LEPR: variants seen among roughly 807,000 people sequenced by gnomAD.
The protein encoded by LEPR is leptin receptor, also known as OB receptor.
Under a neutral mutation model 114.7 loss-of-function variants are expected in LEPR, and 56 were observed. That is an observed-to-expected ratio of 0.49 (90% CI 0.39 to 0.61). The LOEUF is 0.61. Ranked by LOEUF, LEPR falls within the 20% of genes least tolerant of loss-of-function variation. The probability of loss-of-function intolerance (pLI) is 0.00; values close to 1 mark genes in which losing one functional copy is unlikely to be tolerated. For synonymous variants in LEPR, 443 were observed against 461.4 expected (o/e 0.96, Z 0.51); for missense variants, 1,202 against 1,352.9 (o/e 0.89, Z 1.75).
rs1214513437 is a variant in LEPR, at chr1:65,638,120, G to A, written c.*1105G>A. The A allele has an allele frequency of 2.0e-5, 3 of 152,144 alleles. No individual in the cohort carries two copies. Among genetic ancestry groups the A allele is most frequent in the Non-Finnish European group, 2.9e-5 (2 of 68,038 alleles). 9.4% of individuals were successfully genotyped at this position (152,144 alleles called of 1,614,324 possible). ...TCCCAGCACTTTGGGAGGCTGAGGC[G>A]GGTGGATCGCTTGAGCTCAGAAGTC... On this transcript the variant is annotated 3_prime_UTR_variant, in exon 20 of 20. Transcript: ENST00000349533.
intron 2 of LEPR, among the ~76,000 whole-genome samples, chr1:65,564,723 T>C (rs1653599784): frequency 6.6e-6 from 1 of 152,260 alleles, no homozygotes; most frequent in East Asian, 1.9e-4. Flanking sequence ...GAACCTGAGG[T>C]CTAGAGTGTT....
intron 2 of LEPR, among the ~76,000 whole-genome samples, chr1:65,507,722 A>T (rs1648829733): frequency 6.6e-6 from 1 of 152,024 alleles, no homozygotes; most frequent in South Asian, 2.1e-4. Flanking sequence ...TTTCTAGATC[A>T]TAAGGTAAAT....
At chr1:65,608,564 G>A (rs536067261) in intron 11 of LEPR, among the ~76,000 whole-genome samples, 189 bp from the exon 12 acceptor site, 3 of 152,108 alleles carry the variant, frequency 2.0e-5, no homozygotes, top group South Asian at 2.1e-4. Context: ...CTATATTTGC[G>A]AAAAAGAGAT....
rs769797458 is a variant in LEPR, at chr1:65,429,943, C to G, written c.-21+4565C>G. ...TCATTGCCAAAAGAGTCACCTATGACTCAGATGCAACCAGTAGTGCCTGTC... is the reference window on the plus strand; with the variant it reads ...TCATTGCCAAAAGAGTCACCTATGAGTCAGATGCAACCAGTAGTGCCTGTC... On this transcript the variant is annotated intron_variant, in intron 2 of 19. Coordinates refer to ENST00000349533, the MANE Select transcript of LEPR (RefSeq NM_002303.6). The G allele has an allele frequency of 1.9e-6, 3 of 1,572,824 alleles. No individual in the cohort carries two copies. The African/African-American group carries it at 4.0e-5, about 21-fold the overall frequency.
intron 5 of LEPR, among the ~76,000 whole-genome samples, chr1:65,589,721 A>G (rs1472891926): frequency 1.3e-5 from 2 of 152,070 alleles, no homozygotes; most frequent in East Asian, 1.9e-4. Context: ...GTAGAAAATC[A>G]GTTGTCCATG....
intron 2 of LEPR, among the ~76,000 whole-genome samples, chr1:65,496,513 G>T (rs1348642142): frequency 6.6e-6 from 1 of 152,128 alleles, no homozygotes; most frequent in Non-Finnish European, 1.5e-5. Flanking sequence ...GGAGGTTGAG[G>T]CTGTAGTGAT....
intron 2 of LEPR, among the ~76,000 whole-genome samples, chr1:65,428,485 A>G (rs1162144899): frequency 1.3e-5 from 2 of 152,214 alleles, no homozygotes; most frequent in South Asian, 2.1e-4. Flanking sequence ...TTCTTGAAAC[A>G]TACTATCATC....
At chr1:65,474,552 A>T (rs1647131907) in intron 2 of LEPR, among the ~76,000 whole-genome samples, 1 of 152,208 alleles carries the variant, frequency 6.6e-6, no homozygotes, top group Non-Finnish European at 1.5e-5. Flanking sequence ...TGTAAATGAC[A>T]CCAAGTCTAT....
intron 5 of LEPR, chr1:65,578,282 C>A: frequency 4.4e-6 from 1 of 228,456 alleles, no homozygotes; most frequent in South Asian, 7.3e-5. Context: ...GTGGCTGAGT[C>A]ACTTCACCGA....
chr1:65,570,904 T>C, intron 4 of LEPR, 102 bp downstream of exon 4: 1 of 989,712 alleles, frequency 1.0e-6, no homozygotes, highest in Non-Finnish European at 1.4e-6. Context: ...ACATACATAA[T>C]CATTTTTATA....
At chr1:65,455,567 G>T (rs1266583254) in intron 2 of LEPR, among the ~76,000 whole-genome samples, 1 of 152,280 alleles carries the variant, frequency 6.6e-6, no homozygotes. Flanking sequence ...TGCCCCTGCT[G>T]GGGGGTGCCT....
intron 2 of LEPR, among the ~76,000 whole-genome samples, chr1:65,439,307 C>T (rs1379562283): frequency 6.6e-6 from 1 of 152,016 alleles, no homozygotes; most frequent in Non-Finnish European, 1.5e-5. Flanking sequence ...ATACATTAGA[C>T]AATGCGATAT....
At chr1:65,575,225 A>G (rs1030580861) in intron 5 of LEPR, among the ~76,000 whole-genome samples, 1 of 152,162 alleles carries the variant, frequency 6.6e-6, no homozygotes, top group Admixed American at 6.5e-5. Context: ...TTTAACAAGA[A>G]TTTAGGTAGC....
chr1:65,614,279 G>C (rs1485204609), intron 14 of LEPR, among the ~76,000 whole-genome samples: 1 of 152,152 alleles, frequency 6.6e-6, no homozygotes, highest in Non-Finnish European at 1.5e-5. Flanking sequence ...AAAACTCCTC[G>C]AACTTCATAG....
At chr1:65,476,223 C>A (rs1200048254) in intron 2 of LEPR, among the ~76,000 whole-genome samples, 4 of 151,130 alleles carry the variant, frequency 2.6e-5, no homozygotes, top group African/African-American at 9.8e-5. Flanking sequence ...TCTTGGTGAA[C>A]TCATTTTCTT....
chr1:65,627,020 CTA>C (rs1335017315), intron 19 of LEPR, among the ~76,000 whole-genome samples: 1 of 152,126 alleles, frequency 6.6e-6, no homozygotes, highest in Non-Finnish European at 1.5e-5. Flanking sequence ...ACCATCCACC[CTA>C]TGTTTCATAT....
At chr1:65,542,595 T>C (rs1050394888) in intron 2 of LEPR, among the ~76,000 whole-genome samples, 1 of 151,014 alleles carries the variant, frequency 6.6e-6, no homozygotes. Context: ...ATATTTCTCC[T>C]GGTGCTATCC....
intron 2 of LEPR, among the ~76,000 whole-genome samples, chr1:65,466,645 C>T (rs193003223): frequency 2.6e-4 from 39 of 152,270 alleles, no homozygotes; most frequent in Non-Finnish European, 3.4e-4. Flanking sequence ...CCATTCTCCC[C>T]GTCACTTTTG....
chr1:65,425,834 A>C (rs543779325), intron 2 of LEPR, among the ~76,000 whole-genome samples: 10 of 152,332 alleles, frequency 6.6e-5, no homozygotes, highest in African/African-American at 2.4e-4. Context: ...TGGATGAATA[A>C]GAGTTTTTCA....
Sources: allele counts gnomAD v4.1 joint callset (sites outside exome capture counted in the v4.1 genomes callset), GRCh38; gene constraint gnomAD v4.1.1; transcripts MANE v1.5; gene names NCBI Gene and HGNC (gene_info 2026-07-23, HGNC 2026-07-21).